Variants in RAD1 observed in about 807,000 individuals in gnomAD.
RAD1 encodes the protein RAD1 checkpoint DNA exonuclease, also known as cell cycle checkpoint protein RAD1.
Under a neutral mutation model 30.0 loss-of-function variants are expected in RAD1, and 21 were observed. The ratio of observed to expected loss-of-function variants is 0.70; its 90% confidence interval spans 0.50 to 1.01. RAD1 has a LOEUF of 1.01. Ranked by LOEUF, RAD1 falls within the 50% of genes least tolerant of loss-of-function variation. The probability of loss-of-function intolerance (pLI) is 0.00; values close to 1 mark genes in which losing one functional copy is unlikely to be tolerated. For missense variants in RAD1, 329 were observed against 329.0 expected, an observed-to-expected ratio of 1.00 and a Z score of 0.00; for synonymous variants, 109 against 113.6, an observed-to-expected ratio of 0.96 and a Z score of 0.26.
chr5:34,907,655 A>C lies in RAD1; in HGVS notation c.*1110T>G, dbSNP rs1348572615. ...ACTCATAAGCAAATGGAAAGTAGTA[A>C]GTACTGATTGCAGTTACTTACAGCA... On this transcript the variant is annotated 3_prime_UTR_variant, in exon 6 of 6. Coordinates refer to ENST00000382038, the MANE Select transcript of RAD1 (RefSeq NM_002853.4). 4 of 152,272 alleles carry C rather than the reference A, an allele frequency of 2.6e-5. No individual in the cohort carries two copies. Among genetic ancestry groups the C allele is most frequent in the Non-Finnish European group, 4.4e-5 (3 of 68,048 alleles). The allele number at this position is 152,272 out of a possible 1,614,324, so 9.4% of individuals were successfully genotyped here. A position where few individuals can be genotyped will look rare whatever the true frequency, so the allele number is the denominator to read the frequency against.
rs1399450006 is a variant in RAD1, at chr5:34,908,751, G to A, written c.*14C>T. The A allele has an allele frequency of 1.3e-6, 2 of 1,575,770 alleles. No homozygotes were observed. The highest frequency in any genetic ancestry group is 2.3e-5 in the South Asian group (2 of 88,480). On this transcript the variant is annotated 3_prime_UTR_variant, in exon 6 of 6. Coordinates refer to ENST00000382038, the MANE Select transcript of RAD1 (RefSeq NM_002853.4). ...ATCATAAATGTACACATAAATATCA[G>A]TGAATTGTCATACTCAAGACTCAGA...
intron 2 of RAD1, chr5:34,913,867 A>G (rs1763941821): frequency 2.1e-6 from 1 of 474,532 alleles, no homozygotes; most frequent in Non-Finnish European, 4.1e-6. Flanking sequence ...ATGCATGAGC[A>G]ACATTAGTTT....
Position 34,907,221 on chromosome 5 carries a change from A to G in RAD1, c.*1544T>C, listed in dbSNP as rs1763679793. 6.6e-6 allele frequency: 1 copy of G among 152,170 alleles called. No homozygotes were observed. Among genetic ancestry groups the G allele is most frequent in the African/African-American group, 2.4e-5 (1 of 41,438 alleles). The allele number at this position is 152,170 out of a possible 1,614,324, so 9.4% of individuals were successfully genotyped here. On this transcript the variant is annotated 3_prime_UTR_variant, in exon 6 of 6. Transcript: ENST00000382038. ...CTATATTAAGGTAGGGCATTCCAAT[A>G]TATCCTCCAATTTTGGTGAATACAA...
rs1047116 is a variant in RAD1 at position 34,905,498 on chromosome 5, T to C, written c.*3267A>G. The C allele has an allele frequency of 6.6e-6, 1 of 151,966 alleles. No individual in the cohort carries two copies. Among genetic ancestry groups the C allele is most frequent in the Admixed American group, 6.6e-5 (1 of 15,248 alleles). The allele number at this position is 151,966 out of a possible 1,614,324, so 9.4% of individuals were successfully genotyped here. On this transcript the variant is annotated 3_prime_UTR_variant, in exon 6 of 6. Transcript: ENST00000382038. ...GTTACATGCCTTATTTTTATTAAAG[T>C]GGAATTTAACAAATACTTTTATTAT...
rs1763822600 is a variant in RAD1 at position 34,911,114 on chromosome 5, AG to A, written c.566+439del. 7.2e-5 allele frequency among the ~76,000 whole-genome samples: 11 copies of A among 152,348 alleles called. No homozygotes were observed. The South Asian group carries it at 2.3e-3, about 32-fold the overall frequency. On this transcript the variant is annotated intron_variant, in intron 4 of 5. Coordinates refer to ENST00000382038, the MANE Select transcript of RAD1 (RefSeq NM_002853.4). ...CCCACAATGCTTAATAAGATGAATA[AG>A]CACACGGTAGGTGATCAACAGATAC... is the stretch of plus-strand genomic sequence containing the variant.
Position 34,910,574 on chromosome 5 carries a change from C to T in RAD1, c.566+980G>A, listed in dbSNP as rs576168999. Among the ~76,000 whole-genome samples, 16 of 152,016 alleles carry T rather than the reference C, an allele frequency of 1.1e-4. No individual in the cohort carries two copies. In the South Asian group the frequency reaches 2.1e-3, roughly 20 times the overall value. ...TCCCAAGTAGCTGGGATTATAGGCA[C>T]GTGCCACCACGCCCAACTAATTTTT... is the stretch of plus-strand genomic sequence containing the variant. On this transcript the variant is annotated intron_variant, in intron 4 of 5. Coordinates refer to ENST00000382038, the MANE Select transcript of RAD1 (RefSeq NM_002853.4).
At chr5:34,911,458 A>G (rs1763835392) in intron 4 of RAD1, 96 bp downstream of exon 4, 6 of 1,440,816 alleles carry the variant, frequency 4.2e-6, no homozygotes, top group Non-Finnish European at 4.7e-6. Flanking sequence ...AAACTCTAAA[A>G]ATGTGGATAA....
Position 34,907,900 on chromosome 5 carries a change from TA to T in RAD1, c.*864del, listed in dbSNP as rs1373863810. 4 of 152,200 alleles carry T rather than the reference TA, an allele frequency of 2.6e-5. No individual in the cohort carries two copies. The highest frequency in any genetic ancestry group is 9.6e-5 in the African/African-American group (4 of 41,454). 9.4% of individuals were successfully genotyped at this position (152,200 alleles called of 1,614,324 possible). A position where few individuals can be genotyped will look rare whatever the true frequency, so the allele number is the denominator to read the frequency against. On this transcript the variant is annotated 3_prime_UTR_variant, in exon 6 of 6. Coordinates refer to ENST00000382038, the MANE Select transcript of RAD1 (RefSeq NM_002853.4). ...TATTAAAGAAAAAAAAAGTTTCCTTTAAAACAGTGGTTCCCAAAATTTAGCA... is the reference window on the plus strand; with the variant it reads ...TATTAAAGAAAAAAAAAGTTTCCTTTAAACAGTGGTTCCCAAAATTTAGCA...
Position 34,911,717 on chromosome 5 carries a change from T to C in RAD1, c.403A>G (p.Asn135Asp). The C allele has an allele frequency of 1.2e-6, 2 of 1,614,170 alleles. No individual in the cohort carries two copies. Among genetic ancestry groups the C allele is most frequent in the Non-Finnish European group, 1.7e-6 (2 of 1,180,028 alleles). Residue 135 changes from asparagine (N) to aspartate (D), a missense_variant, in exon 4 of 6, where the codon AAT becomes GAT. Asn to Asp is a conservative substitution (Grantham distance 23, BLOSUM62 1). Coordinates refer to ENST00000382038, the MANE Select transcript of RAD1 (RefSeq NM_002853.4). ...AGGGTCTCCTCAGGTTCCTGTGTAT[T>C]GATTTTGCAGACTGTCACCACTCCT... is the stretch of plus-strand genomic sequence containing the variant. ...EGGVVTVCKI[N>D]TQEPEETLDF...
Position 34,913,257 on chromosome 5 carries a change from T to TA in RAD1, c.307+212dup, listed in dbSNP as rs2069471. Among the ~76,000 whole-genome samples the TA allele has an allele frequency of 6.8e-3, 1,024 of 149,660 alleles. 19 individuals are homozygous for TA. Among genetic ancestry groups the TA allele is most frequent in the Admixed American group, 0.045 (675 of 15,026 alleles). ...TACAATCCCTCAAAGCCTTGTAAATTAAAAAAAAAATGCAAATACTTTTAC... is the reference window on the plus strand; with the variant it reads ...TACAATCCCTCAAAGCCTTGTAAATTAAAAAAAAAAATGCAAATACTTTTAC... On this transcript the variant is annotated intron_variant, in intron 3 of 5. Coordinates refer to ENST00000382038, the MANE Select transcript of RAD1 (RefSeq NM_002853.4).
chr5:34,908,851 A>G lies in RAD1; in HGVS notation c.763T>C (p.Tyr255His). 1 of 1,611,942 alleles carries G rather than the reference A, an allele frequency of 6.2e-7. No individual in the cohort carries two copies. Among genetic ancestry groups the G allele is most frequent in the Non-Finnish European group, 8.5e-7 (1 of 1,178,212 alleles). The change falls in exon 6 of 6, where the codon TAT becomes CAT. Residue 255 changes from tyrosine to histidine, a missense_variant. By Grantham distance (83) the Tyr-to-His change is moderately conservative. Coordinates refer to ENST00000382038, the MANE Select transcript of RAD1 (RefSeq NM_002853.4). ...TGTCCATCTTCATTTCTAATCATAT[A>G]CTGTAATGAAAGGAAGCCTCTGTTA... ...TDNRGFLSLQ[Y>H]MIRNEDGQIC...
chr5:34,908,981 AAC>A (rs1433237951), intron 5 of RAD1, 33 bp from the exon 6 acceptor site: 2 of 1,513,054 alleles, frequency 1.3e-6, no homozygotes, highest in African/African-American at 1.4e-5. Context: ...CTGTTATATC[AAC>A]ACAGTGAACA....
chr5:34,913,912 T>C, intron 2 of RAD1: 1 of 453,460 alleles, frequency 2.2e-6, no homozygotes, highest in African/African-American at 2.0e-5. Flanking sequence ...GATACGGGGG[T>C]CTCACTATGA....
At position 34,906,458 on chromosome 5, in the gene RAD1, G is replaced by A. The variant is rs1168417062; in HGVS notation, c.*2307C>T. 6.6e-6 allele frequency: 1 copy of A among 151,978 alleles called. No individual in the cohort carries two copies. The highest frequency in any genetic ancestry group is 1.5e-5 in the Non-Finnish European group (1 of 67,986). The allele number at this position is 151,978 out of a possible 1,614,324, so 9.4% of individuals were successfully genotyped here. A position where few individuals can be genotyped will look rare whatever the true frequency, so the allele number is the denominator to read the frequency against. ...GTTCAAGATTAGCCTAGGGAACATAGTAAAACCCCATCTCTACAAAAAATA... is the reference window on the plus strand; with the variant it reads ...GTTCAAGATTAGCCTAGGGAACATAATAAAACCCCATCTCTACAAAAAATA... On this transcript the variant is annotated 3_prime_UTR_variant, in exon 6 of 6. Transcript: ENST00000382038.
Position 34,908,772 on chromosome 5 carries a change from T to C in RAD1, c.842A>G (p.Glu281Gly), listed in dbSNP as rs1805327. Reference protein sequence around the residue: ...CCPDEEVPESES With the variant: ...CCPDEEVPESGS ...ATCAGTGAATTGTCATACTCAAGACTCAGATTCAGGAACTTCTTCATCAGG... is the reference window on the plus strand; with the variant it reads ...ATCAGTGAATTGTCATACTCAAGACCCAGATTCAGGAACTTCTTCATCAGG... The change falls in exon 6 of 6, where the codon GAG becomes GGG. Residue 281 changes from glutamate to glycine, a missense_variant. By Grantham distance (98) the Glu-to-Gly change is moderately conservative. Coordinates refer to ENST00000382038, the MANE Select transcript of RAD1 (RefSeq NM_002853.4). 113,849 of 1,600,262 alleles carry C rather than the reference T, an allele frequency of 0.071. 4,655 individuals carry two copies. Among genetic ancestry groups the C allele is most frequent in the South Asian group, 0.12 (10,898 of 89,834 alleles).
rs2308958 is a variant in RAD1 at position 34,908,945 on chromosome 5, G to A, written c.669C>T (p.Tyr223=). ...TAGAGGGTTTCAGTAAGGAAATCTT[G>A]TATCTGTAGAAGAAAAAATAAAACG... The part of the protein sequence containing the change: ...FHCNQTQVNR[Y]KISLLKPSTK... Residue 223 remains tyrosine (Y), a synonymous_variant, in exon 6 of 6, where the codon TAC becomes TAT. Coordinates refer to ENST00000382038, the MANE Select transcript of RAD1 (RefSeq NM_002853.4). The A allele has an allele frequency of 2.0e-5, 32 of 1,603,592 alleles. No homozygotes were observed. The Middle Eastern group carries it at 5.0e-4, about 25-fold the overall frequency.
At chr5:34,915,308 G>A (rs1026445338) in intron 1 of RAD1, 108 bp downstream of exon 1, 12 of 273,424 alleles carry the variant, frequency 4.4e-5, no homozygotes, top group Admixed American at 3.5e-4. Context: ...GGGCGGGCCC[G>A]GAGTGTCCAG....
rs1209574901 is a variant in RAD1 at position 34,913,516 on chromosome 5, A to T, written c.261T>A (p.Thr87=). 6.2e-7 allele frequency: 1 copy of T among 1,604,326 alleles called. No homozygotes were observed. The highest frequency in any genetic ancestry group is 8.5e-7 in the Non-Finnish European group (1 of 1,174,254). ...EESVTFRINL[T]VLLDCLSIFG... ...AAATAGATAAACAGTCTAAAAGGAC[A>T]GTTAAATTAATTCGAAAAGTAACAG... is the stretch of plus-strand genomic sequence containing the variant. Residue 87 remains threonine, a synonymous_variant, in exon 3 of 6, where the codon ACT becomes ACA. Coordinates refer to ENST00000382038, the MANE Select transcript of RAD1 (RefSeq NM_002853.4).
chr5:34,911,502 G>A (rs1387476517), intron 4 of RAD1, 52 bp downstream of exon 4: 2 of 1,568,374 alleles, frequency 1.3e-6, no homozygotes, highest in Non-Finnish European at 1.7e-6. Flanking sequence ...ATGTCTAAGT[G>A]GGAAGATGGA....
Sources: allele counts gnomAD v4.1 joint callset (sites outside exome capture counted in the v4.1 genomes callset), GRCh38; gene constraint gnomAD v4.1.1; transcripts MANE v1.5; gene names NCBI Gene and HGNC (gene_info 2026-07-23, HGNC 2026-07-21).